The following SNTG1 variants were observed in gnomAD, a reference collection of about 807,000 sequenced individuals.
SNTG1 encodes the protein gamma-1-syntrophin.
SNTG1 carries 39 observed loss-of-function variants against 74.7 expected under a neutral mutation model. The ratio of observed to expected loss-of-function variants is 0.52; its 90% CI spans 0.40 to 0.68. SNTG1 has a LOEUF of 0.68. Ranked by LOEUF, SNTG1 falls within the 30% of genes least tolerant of loss-of-function variation. The pLI, the probability that SNTG1 is intolerant of heterozygous loss-of-function variation, is 0.00. For missense variants in SNTG1, 685 were observed against 609.5 expected (o/e 1.12, Z -1.30); for synonymous variants, 254 against 217.1 (o/e 1.17, Z -1.49).
At chr8:50,015,077 C>A (rs1312168080) in intron 1 of SNTG1, among the ~76,000 whole-genome samples, 1 of 148,744 alleles carries the variant, frequency 6.7e-6, no homozygotes, top group African/African-American at 2.5e-5. Flanking sequence ...AGTAGGGGAA[C>A]AATTTAAGTC....
intron 2 of SNTG1, among the ~76,000 whole-genome samples, chr8:50,371,562 T>C (rs191081632): frequency 2.7e-4 from 41 of 152,292 alleles, no homozygotes; most frequent in Middle Eastern, 3.4e-3. Flanking sequence ...GTGTAGAGTG[T>C]TGTTCAGCCC....
intron 13 of SNTG1, among the ~76,000 whole-genome samples, chr8:50,624,506 A>G (rs2094944191): frequency 6.6e-6 from 1 of 152,104 alleles, no homozygotes; most frequent in Admixed American, 6.6e-5. Context: ...GGAATTTGGT[A>G]CTTGAAATTC....
intron 2 of SNTG1, among the ~76,000 whole-genome samples, chr8:50,325,916 C>T (rs149935620): frequency 6.6e-6 from 1 of 152,066 alleles, no homozygotes; most frequent in African/African-American, 2.4e-5. Flanking sequence ...CTATTTCTAG[C>T]TTGCTGAGAG....
At chr8:50,312,107 C>A (rs867553441) in intron 2 of SNTG1, among the ~76,000 whole-genome samples, 2 of 152,028 alleles carry the variant, frequency 1.3e-5, no homozygotes, top group South Asian at 4.2e-4. Context: ...TGACAATGGA[C>A]AAGTTACATA....
intron 17 of SNTG1, among the ~76,000 whole-genome samples, chr8:50,740,844 A>G (rs1224331491): frequency 6.6e-6 from 1 of 152,058 alleles, no homozygotes; most frequent in Admixed American, 6.6e-5. Flanking sequence ...TTGCAGGCAC[A>G]TGGATGGAGC....
intron 18 of SNTG1, among the ~76,000 whole-genome samples, chr8:50,768,433 C>T (rs1444340257): frequency 1.3e-5 from 2 of 151,962 alleles, no homozygotes; most frequent in African/African-American, 4.8e-5. Context: ...CTGAAGAATT[C>T]ATGATGTGTT....
At chr8:50,441,252 C>T (rs2093354983) in intron 5 of SNTG1, among the ~76,000 whole-genome samples, 1 of 152,186 alleles carries the variant, frequency 6.6e-6, no homozygotes, top group South Asian at 2.1e-4. Context: ...TGCAATATTG[C>T]TGTCTCTCTC....
chr8:50,624,759 T>G (rs1428776013), intron 13 of SNTG1, among the ~76,000 whole-genome samples: 1 of 152,156 alleles, frequency 6.6e-6, no homozygotes, highest in Admixed American at 6.5e-5. Flanking sequence ...ACTCCATTAT[T>G]TGTAGGTTAG....
At chr8:50,263,983 T>G (rs1350711013) in intron 2 of SNTG1, among the ~76,000 whole-genome samples, 1 of 152,176 alleles carries the variant, frequency 6.6e-6, no homozygotes, top group African/African-American at 2.4e-5. Context: ...ATCAATTGTT[T>G]TCTCTGAATG....
At chr8:50,409,876 C>G (rs371183834) in intron 4 of SNTG1, among the ~76,000 whole-genome samples, 3 of 152,166 alleles carry the variant, frequency 2.0e-5, no homozygotes, top group East Asian at 3.9e-4. Context: ...GATACGAAAA[C>G]CATGAAGAAT....
intron 12 of SNTG1, among the ~76,000 whole-genome samples, chr8:50,566,092 T>A (rs1331987781): frequency 6.6e-6 from 1 of 151,998 alleles, no homozygotes; most frequent in Non-Finnish European, 1.5e-5. Context: ...TCTTCTTACA[T>A]TTATGGAGTT....
At chr8:50,489,953 G>A (rs1040962369) in intron 8 of SNTG1, among the ~76,000 whole-genome samples, 1 of 152,184 alleles carries the variant, frequency 6.6e-6, no homozygotes, top group African/African-American at 2.4e-5. Context: ...TGTGTTAGGT[G>A]TAAGCAAGGG....
chr8:50,705,587 C>A (rs1487572197), intron 16 of SNTG1, among the ~76,000 whole-genome samples: 1 of 151,864 alleles, frequency 6.6e-6, no homozygotes, highest in Admixed American at 6.6e-5. Context: ...AAGGATTGCA[C>A]ACACTCAGTC....
In SNTG1 at chr8:50,225,487, C is replaced by T. The variant is rs540890908; in HGVS notation, c.-28+52852C>T. On this transcript the variant is annotated intron_variant, in intron 2 of 18. Coordinates refer to ENST00000642720, the MANE Select transcript of SNTG1 (RefSeq NM_018967.5). Reference sequence around the variant, plus strand: ...CCCACCACCTTGAGTTGTCCCCTGCCTTTTCAGACAGAACCAATGCTCATC... The same window carrying T: ...CCCACCACCTTGAGTTGTCCCCTGCTTTTTCAGACAGAACCAATGCTCATC... Among the ~76,000 whole-genome samples the T allele has an allele frequency of 1.8e-3, 274 of 152,278 alleles. 3 individuals carry two copies. Among genetic ancestry groups the T allele is most frequent in the Non-Finnish European group, 4.9e-4 (33 of 68,022 alleles).
intron 2 of SNTG1, among the ~76,000 whole-genome samples, chr8:50,381,410 A>G (rs1000170851): frequency 1.1e-4 from 16 of 151,456 alleles, no homozygotes; most frequent in African/African-American, 3.4e-4. Context: ...TGAATAAGAA[A>G]AAAAGTAATA....
At chr8:50,650,666 C>A (rs942315015) in intron 13 of SNTG1, among the ~76,000 whole-genome samples, 3 of 152,028 alleles carry the variant, frequency 2.0e-5, no homozygotes, top group Non-Finnish European at 4.4e-5. Flanking sequence ...TCTATTCTGA[C>A]ATTTGTCTAA....
At chr8:50,451,410 G>A (rs2093456159) in intron 8 of SNTG1, among the ~76,000 whole-genome samples, 1 of 152,018 alleles carries the variant, frequency 6.6e-6, no homozygotes, top group African/African-American at 2.4e-5. Flanking sequence ...AGATTACCTA[G>A]GAACAAATGG....
At chr8:49,954,787 G>T (rs1419787228) in intron 1 of SNTG1, among the ~76,000 whole-genome samples, 1 of 151,882 alleles carries the variant, frequency 6.6e-6, no homozygotes, top group Non-Finnish European at 1.5e-5. Flanking sequence ...TTATTGTTCT[G>T]CAATATTACT....
At chr8:49,986,483 G>A (rs745474683) in intron 1 of SNTG1, among the ~76,000 whole-genome samples, 1 of 152,218 alleles carries the variant, frequency 6.6e-6, no homozygotes, top group Admixed American at 6.5e-5. Context: ...AATTTCTTGT[G>A]TTGCCAATTT....
Sources: allele counts gnomAD v4.1 joint callset (sites outside exome capture counted in the v4.1 genomes callset), GRCh38; gene constraint gnomAD v4.1.1; transcripts MANE v1.5; gene names NCBI Gene and HGNC (gene_info 2026-07-23, HGNC 2026-07-21).